The following SEPTIN9 variants were observed in gnomAD, a reference collection of about 807,000 sequenced individuals.
SEPTIN9 encodes the protein septin-9.
A neutral mutation model predicts 56.6 loss-of-function variants in SEPTIN9; 13 were observed. That is an observed-to-expected ratio of 0.23 (90% CI 0.15 to 0.37). The LOEUF (loss-of-function observed/expected upper bound fraction) is 0.37, where lower values mean the gene tolerates loss of function less well. SEPTIN9 is among the 10% of genes least tolerant of loss of function. SEPTIN9 has a pLI of 1.00. For missense variants in SEPTIN9, 650 were observed against 823.1 expected, an observed-to-expected ratio of 0.79 and a Z score of 2.57; for synonymous variants, 332 against 334.1, an observed-to-expected ratio of 0.99 and a Z score of 0.07.
chr17:77,446,745 C>T (rs2037757743), intron 3 of SEPTIN9: 1 of 167,064 alleles, frequency 6.0e-6, no homozygotes, highest in Admixed American at 6.5e-5. Flanking sequence ...TCCCTGTTGC[C>T]ACATGAGGTA....
At chr17:77,324,019 G>A (rs1482161950) in intron 2 of SEPTIN9, among the ~76,000 whole-genome samples, 3 of 152,234 alleles carry the variant, frequency 2.0e-5, no homozygotes, top group African/African-American at 4.8e-5. Flanking sequence ...CGGAGGCTCC[G>A]AGGGGGAGCC....
chr17:77,320,905 G>A (rs2032895930), intron 2 of SEPTIN9, among the ~76,000 whole-genome samples: 1 of 152,246 alleles, frequency 6.6e-6, no homozygotes. Context: ...GTGTGTGCGT[G>A]TGTCCATTCA....
intron 3 of SEPTIN9, among the ~76,000 whole-genome samples, chr17:77,470,459 T>C (rs1169108159): frequency 1.4e-5 from 2 of 140,698 alleles, no homozygotes; most frequent in Non-Finnish European, 3.1e-5. Flanking sequence ...TCCACTTGTC[T>C]ACTCATCCAC....
In SEPTIN9 at chr17:77,466,082, ACACACACACACACACACACACACACG is replaced by A. The variant is rs1216086038; in HGVS notation, c.722-16061_722-16036del. Reference sequence around the variant, plus strand: ...CACACACACACACACACACACACACACACACACACACACACACACACACACGAGTAAACTGTAACACAAATGTGTGC... The same window carrying A: ...CACACACACACACACACACACACACAAGTAAACTGTAACACAAATGTGTGC... On this transcript the variant is annotated intron_variant, in intron 3 of 11. Transcript: ENST00000427177. Among the ~76,000 whole-genome samples, 21 of 151,382 alleles carry A rather than the reference ACACACACACACACACACACACACACG, an allele frequency of 1.4e-4. No homozygotes were observed. The East Asian group carries it at 2.3e-3, about 17-fold the overall frequency.
At chr17:77,325,446 G>A (rs1016224070) in intron 2 of SEPTIN9, among the ~76,000 whole-genome samples, 6 of 152,164 alleles carry the variant, frequency 3.9e-5, no homozygotes, top group African/African-American at 7.2e-5. Flanking sequence ...GCCTGCACTC[G>A]ATCATCCCCT....
At position 77,439,048 on chromosome 17, in the gene SEPTIN9, C is replaced by T. The variant is rs79701637; in HGVS notation, c.721+36345C>T. ...TTTTTTTGTTTTAACACTTAGAATT[C>T]TGTAGCTGAAGGAGACTTTGGGGGG... On this transcript the variant is annotated intron_variant, in intron 3 of 11. Transcript: ENST00000427177. Among the ~76,000 whole-genome samples, 26 of 152,216 alleles carry T rather than the reference C, an allele frequency of 1.7e-4. No homozygotes were observed. In the East Asian group the frequency reaches 5.0e-3, roughly 29 times the overall value.
chr17:77,440,698 GC>G (rs1568071086), intron 3 of SEPTIN9, among the ~76,000 whole-genome samples: 1 of 152,258 alleles, frequency 6.6e-6, no homozygotes, highest in Admixed American at 6.5e-5. Context: ...TCCGCTGGGC[GC>G]CCGCACAGTG....
At chr17:77,284,615 G>T (rs576996031) in intron 1 of SEPTIN9, among the ~76,000 whole-genome samples, 37 of 152,252 alleles carry the variant, frequency 2.4e-4, no homozygotes, top group African/African-American at 8.7e-4. Flanking sequence ...TGTGTGTGTG[G>T]TGTTTTTTAA....
At chr17:77,490,909 G>GT in intron 8 of SEPTIN9, 50 bp downstream of exon 8, 2 of 1,402,206 alleles carry the variant, frequency 1.4e-6, no homozygotes, top group Non-Finnish European at 2.0e-6. Flanking sequence ...ACCTGGAGAC[G>GT]CTGCAGGCCT....
rs2036028149 is a variant in SEPTIN9 at position 77,405,262 on chromosome 17, C to T, written c.721+2559C>T. 2 of 828,178 alleles carry T rather than the reference C, an allele frequency of 2.4e-6. No homozygotes were observed. Among genetic ancestry groups the T allele is most frequent in the South Asian group, 1.7e-5 (1 of 59,150 alleles). The allele number at this position is 828,178 out of a possible 1,614,324, so 51.3% of individuals were successfully genotyped here. A position where few individuals can be genotyped will look rare whatever the true frequency, so the allele number is the denominator to read the frequency against. The stretch of plus-strand genomic sequence containing the variant: ...GGCCCAGGGACACAACCTGCGGGCT[C>T]TGCTTTCTGGAGCTCACCGAGCCGT... On this transcript the variant is annotated intron_variant, in intron 3 of 11. Coordinates refer to ENST00000427177, the MANE Select transcript of SEPTIN9 (RefSeq NM_001113491.2). The surrounding 1 kb of genome is among the most constrained non-coding windows in gnomAD (Gnocchi z 5.8).
At chr17:77,282,010 A>T (rs1206520350) in intron 1 of SEPTIN9, 1 of 157,518 alleles carries the variant, frequency 6.3e-6, no homozygotes, top group Non-Finnish European at 1.4e-5. Flanking sequence ...GGGGCACGGG[A>T]CGGCCTCCAG....
At chr17:77,399,553 G>A (rs567859355) in intron 2 of SEPTIN9, among the ~76,000 whole-genome samples, 9 of 152,276 alleles carry the variant, frequency 5.9e-5, no homozygotes, top group South Asian at 2.1e-4. Context: ...GCATCAGCCC[G>A]ATGTACAGTC....
At chr17:77,483,002 G>A (rs1298617994) in intron 4 of SEPTIN9, 1 of 173,746 alleles carries the variant, frequency 5.8e-6, no homozygotes, top group Non-Finnish European at 1.3e-5. Context: ...GGCTGCCAAG[G>A]TTCCTTAGCT....
At chr17:77,334,771 C>T (rs892109395) in intron 2 of SEPTIN9, among the ~76,000 whole-genome samples, 7 of 151,772 alleles carry the variant, frequency 4.6e-5, no homozygotes, top group Non-Finnish European at 7.4e-5. Flanking sequence ...CTATTATAGC[C>T]GTCAGGATGT....
intron 2 of SEPTIN9, among the ~76,000 whole-genome samples, chr17:77,385,123 G>A (rs899816535): frequency 6.6e-6 from 1 of 151,604 alleles, no homozygotes; most frequent in African/African-American, 2.4e-5. Context: ...CTTAAGCCCA[G>A]GAGTTTGAGA....
At chr17:77,295,165 A>G (rs2031753619) in intron 1 of SEPTIN9, among the ~76,000 whole-genome samples, 1 of 152,036 alleles carries the variant, frequency 6.6e-6, no homozygotes, top group Admixed American at 6.6e-5. Flanking sequence ...TAGGGAAAAT[A>G]TTTTCCATTT....
intron 2 of SEPTIN9, among the ~76,000 whole-genome samples, chr17:77,380,720 G>T (rs916927260): frequency 6.6e-6 from 1 of 152,154 alleles, no homozygotes; most frequent in East Asian, 1.9e-4. Flanking sequence ...CCTCGGAGGG[G>T]TCATCTGAGT....
At chr17:77,366,077 C>T (rs146188890) in intron 2 of SEPTIN9, among the ~76,000 whole-genome samples, 3 of 152,274 alleles carry the variant, frequency 2.0e-5, no homozygotes, top group East Asian at 1.9e-4. Flanking sequence ...AGCCAAGCCT[C>T]CTGGTACCCT....
intron 2 of SEPTIN9, chr17:77,376,142 G>A (rs2034911398): frequency 2.0e-6 from 2 of 986,868 alleles, no homozygotes; most frequent in African/African-American, 1.7e-5. Context: ...AGAGGAAGGA[G>A]AGCCTTCTGG....
Sources: gnomAD v4.1 joint callset for allele counts (sites outside exome capture counted in the v4.1 genomes callset) on GRCh38, gnomAD v4.1.1 for gene constraint, Gnocchi (gnomAD v3.1) non-coding constraint, MANE v1.5 for transcripts, NCBI Gene and HGNC (gene_info 2026-07-23, HGNC 2026-07-21) for gene names.